Variants in VAV3 observed in about 807,000 individuals in gnomAD.
VAV3 encodes the protein vav guanine nucleotide exchange factor 3.
A neutral mutation model predicts 131.2 loss-of-function variants in VAV3; 94 were observed. That is an observed-to-expected ratio of 0.72 (90% CI 0.61 to 0.85). The LOEUF is 0.85. VAV3 is among the 40% of genes least tolerant of loss of function. VAV3 has a pLI of 0.00. For missense variants in VAV3, 939 were observed against 1,002.7 expected, an observed-to-expected ratio of 0.94 and a Z score of 0.86; for synonymous variants, 349 against 342.0, an observed-to-expected ratio of 1.02 and a Z score of -0.22.
intron 2 of VAV3, among the ~76,000 whole-genome samples, chr1:107,799,167 G>C: frequency 6.6e-6 from 1 of 152,048 alleles, no homozygotes. Flanking sequence ...GTAAATTGTG[G>C]ATTTCACTTT....
At chr1:107,948,643 A>G (rs1674382586) in intron 1 of VAV3, among the ~76,000 whole-genome samples, 1 of 152,204 alleles carries the variant, frequency 6.6e-6, no homozygotes, top group Non-Finnish European at 1.5e-5. Context: ...CAGCAGTTCA[A>G]GACCAGCCTA....
intron 19 of VAV3, among the ~76,000 whole-genome samples, chr1:107,646,648 A>G (rs1257020696): frequency 6.6e-6 from 1 of 152,068 alleles, no homozygotes; most frequent in Non-Finnish European, 1.5e-5. Context: ...TGCCCTTAAT[A>G]TATAACTTGA....
chr1:107,925,904 A>ATATGT (rs1351152963), intron 1 of VAV3, among the ~76,000 whole-genome samples: 3 of 151,042 alleles, frequency 2.0e-5, no homozygotes, highest in African/African-American at 4.9e-5. Context: ...TATATGATAT[A>ATATGT]TATGTTACAT....
At chr1:107,789,239 C>T (rs749031036) in intron 2 of VAV3, among the ~76,000 whole-genome samples, 82 of 152,208 alleles carry the variant, frequency 5.4e-4, no homozygotes, top group Admixed American at 3.2e-3. Flanking sequence ...AAACTCAGCT[C>T]GCTGTCAAAG....
chr1:107,619,123 T>TA (rs1279914169), intron 20 of VAV3, among the ~76,000 whole-genome samples: 1 of 152,156 alleles, frequency 6.6e-6, no homozygotes, highest in Non-Finnish European at 1.5e-5. Flanking sequence ...GTTTCTGAGT[T>TA]AAAGACTGGG....
chr1:107,594,998 C>T (rs994943859), intron 25 of VAV3, among the ~76,000 whole-genome samples: 2 of 152,116 alleles, frequency 1.3e-5, no homozygotes, highest in East Asian at 3.8e-4. Context: ...ATAGCTTCAA[C>T]AGAGTTTTAA....
intron 12 of VAV3, 84 bp from the exon 13 acceptor site, chr1:107,751,286 C>T (rs1341126576): frequency 3.8e-6 from 4 of 1,059,062 alleles, no homozygotes; most frequent in Non-Finnish European, 5.6e-6. Flanking sequence ...TTACTCAAGA[C>T]AACTACCTTA....
intron 1 of VAV3, among the ~76,000 whole-genome samples, chr1:107,888,144 C>T (rs576690329): frequency 4.6e-5 from 7 of 152,250 alleles, no homozygotes; most frequent in African/African-American, 1.7e-4. Context: ...TAATAAAATA[C>T]ATCAGAGAAC....
At chr1:107,931,177 G>A (rs370030619) in intron 1 of VAV3, among the ~76,000 whole-genome samples, 3 of 151,994 alleles carry the variant, frequency 2.0e-5, no homozygotes, top group Admixed American at 1.3e-4. Flanking sequence ...ATCTGAATAC[G>A]GACTGTATGT....
chr1:107,600,678 C>T (rs1284415385), intron 24 of VAV3, among the ~76,000 whole-genome samples: 1 of 152,036 alleles, frequency 6.6e-6, no homozygotes, highest in African/African-American at 2.4e-5. Context: ...ATAATCACAG[C>T]TTTTACATGC....
At chr1:107,834,720 T>C (rs1668396109) in intron 2 of VAV3, among the ~76,000 whole-genome samples, 1 of 149,566 alleles carries the variant, frequency 6.7e-6, no homozygotes, top group Non-Finnish European at 1.5e-5. Context: ...GAGAAAGCAA[T>C]GAGAGTCAAT....
At chr1:107,758,748 C>T (rs922045786) in intron 10 of VAV3, among the ~76,000 whole-genome samples, 2 of 152,140 alleles carry the variant, frequency 1.3e-5, no homozygotes, top group African/African-American at 2.4e-5. Context: ...CAGGTTGTCA[C>T]CCATACCTCC....
chr1:107,795,354 C>T (rs1402589399), intron 2 of VAV3, among the ~76,000 whole-genome samples: 1 of 152,230 alleles, frequency 6.6e-6, no homozygotes, highest in Non-Finnish European at 1.5e-5. Flanking sequence ...TATATAAAAA[C>T]TCTTACAGGA....
chr1:107,929,087 G>A (rs942623501), intron 1 of VAV3, among the ~76,000 whole-genome samples: 4 of 151,996 alleles, frequency 2.6e-5, no homozygotes, highest in African/African-American at 9.7e-5. Flanking sequence ...TACAGGCCAT[G>A]AGGGAGTGAC....
intron 1 of VAV3, chr1:107,963,454 T>A (rs1675239367): frequency 1.3e-5 from 2 of 152,238 alleles, no homozygotes; most frequent in Admixed American, 1.3e-4. Context: ...CCCACTTCCA[T>A]GCCTGTTCTT....
intron 2 of VAV3, among the ~76,000 whole-genome samples, chr1:107,837,324 C>T (rs897746170): frequency 2.0e-5 from 3 of 151,962 alleles, no homozygotes; most frequent in African/African-American, 2.4e-5. Context: ...AAAAACCATA[C>T]GATCATCTCA....
chr1:107,595,473 T>C (rs1193335115), intron 25 of VAV3, among the ~76,000 whole-genome samples: 2 of 152,168 alleles, frequency 1.3e-5, no homozygotes, highest in African/African-American at 4.8e-5. Flanking sequence ...TATTCACTTC[T>C]TCCCCAAAAC....
At chr1:107,591,225 C>T (rs1650926003) in intron 25 of VAV3, among the ~76,000 whole-genome samples, 1 of 152,086 alleles carries the variant, frequency 6.6e-6, no homozygotes. Context: ...GCTAAATGGC[C>T]CTGCTCCCAT....
At chr1:107,926,962 C>T (rs948556747) in intron 1 of VAV3, among the ~76,000 whole-genome samples, 1 of 152,028 alleles carries the variant, frequency 6.6e-6, no homozygotes, top group African/African-American at 2.4e-5. Flanking sequence ...GAAACACCAG[C>T]TGGGCAACTA....
Sources: gnomAD v4.1 joint callset for allele counts (sites outside exome capture counted in the v4.1 genomes callset) on GRCh38, gnomAD v4.1.1 for gene constraint, MANE v1.5 for transcripts, NCBI Gene and HGNC (gene_info 2026-07-23, HGNC 2026-07-21) for gene names.